Variants in MTMR2 observed in about 807,000 individuals in gnomAD.
MTMR2 encodes phosphatidylinositol-3,5-bisphosphate 3-phosphatase MTMR2.
Under a neutral mutation model 86.9 loss-of-function variants are expected in MTMR2, and 55 were observed. The ratio of observed to expected loss-of-function variants is 0.63; its 90% CI spans 0.51 to 0.79. The LOEUF (loss-of-function observed/expected upper bound fraction) is 0.79, where lower values mean the gene tolerates loss of function less well. Among genes scored for constraint, MTMR2 ranks in the 30% least tolerant of loss-of-function variants. The pLI is 0.00. For synonymous variants in MTMR2, 241 were observed against 266.8 expected (o/e 0.90, Z 0.94); for missense variants, 659 against 772.3 (o/e 0.85, Z 1.74).
At chr11:95,836,841 T>C (rs1863307429) in intron 13 of MTMR2, among the ~76,000 whole-genome samples, 1 of 151,860 alleles carries the variant, frequency 6.6e-6, no homozygotes, top group South Asian at 2.1e-4. Flanking sequence ...ACAAAAACAT[T>C]AGTGTTTGGC....
At chr11:95,917,915 A>G (rs1866770227) in intron 1 of MTMR2, among the ~76,000 whole-genome samples, 1 of 152,320 alleles carries the variant, frequency 6.6e-6, no homozygotes, top group Non-Finnish European at 1.5e-5. Context: ...TTTTTTAAAA[A>G]TGCTTGTTTC....
chr11:95,907,912 G>A, intron 1 of MTMR2: 1 of 428,408 alleles, frequency 2.3e-6, no homozygotes, highest in South Asian at 1.7e-5. Context: ...GGTAAAAGCT[G>A]GAAGTATTCC....
At chr11:95,861,890 G>GT in intron 5 of MTMR2, 102 bp downstream of exon 5, 1 of 892,788 alleles carries the variant, frequency 1.1e-6, no homozygotes, top group Non-Finnish European at 1.8e-6. Flanking sequence ...TTTCTAATTG[G>GT]AAATCCATTT....
chr11:95,895,446 G>C (rs1011137149), intron 1 of MTMR2, among the ~76,000 whole-genome samples: 2 of 152,108 alleles, frequency 1.3e-5, no homozygotes, highest in South Asian at 4.1e-4. Flanking sequence ...TAAATAAGTA[G>C]TTTATTCAAA....
chr11:95,835,408 G>T lies in MTMR2; in HGVS notation c.1814C>A (p.Ala605Glu). Reference protein sequence around the residue: ...NRYKELLAKRAELQKKVEELQ... With the variant: ...NRYKELLAKREELQKKVEELQ... ...TTCCTCTACTTTTTTCTGAAGCTCTGCTCGTTTAGCAAGAAGTTCTTTGTA... is the reference window on the plus strand; with the variant it reads ...TTCCTCTACTTTTTTCTGAAGCTCTTCTCGTTTAGCAAGAAGTTCTTTGTA... The change falls in exon 15 of 15, where the codon GCA becomes GAA. Residue 605 changes from alanine to glutamate, a missense_variant. By Grantham distance (107) the Ala-to-Glu change is moderately radical. This residue lies in a region of MTMR2 where 193 missense variants were observed against 191.6 expected (regional missense o/e 1.01). Coordinates refer to ENST00000346299, the MANE Select transcript of MTMR2 (RefSeq NM_016156.6). 6.2e-7 allele frequency: 1 copy of T among 1,613,068 alleles called. No individual in the cohort carries two copies. The highest frequency in any genetic ancestry group is 8.5e-7 in the Non-Finnish European group (1 of 1,179,280).
At chr11:95,921,237 G>A (rs1350798588) in intron 1 of MTMR2, among the ~76,000 whole-genome samples, 1 of 152,156 alleles carries the variant, frequency 6.6e-6, no homozygotes, top group Non-Finnish European at 1.5e-5. Context: ...ATGCATGTGT[G>A]AAAAACATTC....
At chr11:95,889,738 A>G (rs897426072) in intron 1 of MTMR2, among the ~76,000 whole-genome samples, 2 of 152,200 alleles carry the variant, frequency 1.3e-5, no homozygotes, top group African/African-American at 4.8e-5. Context: ...AAATTTAAAA[A>G]TCTGTGACAA....
intron 5 of MTMR2, among the ~76,000 whole-genome samples, chr11:95,861,245 A>T (rs1864408928): frequency 6.6e-6 from 1 of 151,244 alleles, no homozygotes; most frequent in Non-Finnish European, 1.5e-5. Flanking sequence ...TTCCACTACG[A>T]AGTAGTGGAA....
chr11:95,893,259 A>C (rs1286611766), intron 1 of MTMR2, among the ~76,000 whole-genome samples: 1 of 152,130 alleles, frequency 6.6e-6, no homozygotes, highest in Non-Finnish European at 1.5e-5. Flanking sequence ...TTCCCACTTC[A>C]GCAATGTGCA....
intron 2 of MTMR2, among the ~76,000 whole-genome samples, chr11:95,868,273 TAAAAAAAAAAAAA>T (rs555618890): frequency 4.7e-5 from 2 of 42,214 alleles, no homozygotes; most frequent in Non-Finnish European, 7.9e-5. Flanking sequence ...GACCCTGTGC[TAAAAAAAAAAAAA>T]AAAAAAAAAA....
chr11:95,891,458 A>AAAAAG (rs1865710761), intron 1 of MTMR2, among the ~76,000 whole-genome samples: 1 of 151,772 alleles, frequency 6.6e-6, no homozygotes, highest in Non-Finnish European at 1.5e-5. Context: ...CCAAAAAAAA[A>AAAAAG]AAAGAAAGAA....
chr11:95,857,529 T>C lies in MTMR2; in HGVS notation c.654+23A>G, dbSNP rs367913626. The C allele has an allele frequency of 6.7e-4, 1,027 of 1,539,328 alleles. 1 individual carries two copies. Among genetic ancestry groups the C allele is most frequent in the Non-Finnish European group, 6.7e-4 (748 of 1,115,040 alleles). ...ATGAAAAGAATACAAAATACTAAAA[T>C]TGAAAGAGAAGAAAGTACATACCTG... On this transcript the variant is annotated intron_variant, in intron 7 of 14. Coordinates refer to ENST00000346299, the MANE Select transcript of MTMR2 (RefSeq NM_016156.6).
chr11:95,875,494 C>T (rs971808671), intron 2 of MTMR2, among the ~76,000 whole-genome samples: 9 of 152,134 alleles, frequency 5.9e-5, no homozygotes, highest in East Asian at 1.9e-4. Context: ...GTTAGCCATT[C>T]GTCTAATTTT....
At chr11:95,912,296 A>G (rs1866539779) in intron 1 of MTMR2, among the ~76,000 whole-genome samples, 1 of 152,054 alleles carries the variant, frequency 6.6e-6, no homozygotes, top group African/African-American at 2.4e-5. Flanking sequence ...CATAAACTAG[A>G]AAACCACATA....
At chr11:95,909,704 C>T (rs192142546) in intron 1 of MTMR2, among the ~76,000 whole-genome samples, 34 of 152,112 alleles carry the variant, frequency 2.2e-4, no homozygotes, top group African/African-American at 7.7e-4. Flanking sequence ...GTACTAAATA[C>T]TGGGGATAGA....
chr11:95,842,846 G>C (rs1016964217), intron 11 of MTMR2, among the ~76,000 whole-genome samples: 3 of 151,848 alleles, frequency 2.0e-5, no homozygotes. Flanking sequence ...TTAAATTAAA[G>C]AAAAAAAGTC....
Position 95,847,718 on chromosome 11 carries a change from A to G in MTMR2, c.1175T>C (p.Ile392Thr), listed in dbSNP as rs1555060014. Reference protein sequence around the residue: ...NLESTHWLEHIKLILAGALRI... With the variant: ...NLESTHWLEHTKLILAGALRI... The stretch of plus-strand genomic sequence containing the variant: ...GATATAGTAACACACACCCACCTTA[A>G]TATGTTCTAGCCAATGAGTAGATTC... The change falls in exon 10 of 15, where the codon ATT becomes ACT. Residue 392 changes from isoleucine (I) to threonine (T), a missense_variant. Physicochemically the swap from Ile to Thr is moderately conservative, Grantham distance 89. Transcript: ENST00000346299. 6.2e-7 allele frequency: 1 copy of G among 1,611,598 alleles called. No individual in the cohort carries two copies. The highest frequency in any genetic ancestry group is 8.5e-7 in the Non-Finnish European group (1 of 1,177,774).
chr11:95,865,736 A>T lies in MTMR2; in HGVS notation c.187-60T>A, dbSNP rs1334037714. 15 of 1,337,262 alleles carry T rather than the reference A, an allele frequency of 1.1e-5. No individual in the cohort carries two copies. In the Admixed American group the frequency reaches 1.4e-4, roughly 12 times the overall value. 82.8% of individuals were successfully genotyped at this position (1,337,262 alleles called of 1,614,324 possible). A position where few individuals can be genotyped will look rare whatever the true frequency, so the allele number is the denominator to read the frequency against. On this transcript the variant is annotated intron_variant, in intron 2 of 14. Coordinates refer to ENST00000346299, the MANE Select transcript of MTMR2 (RefSeq NM_016156.6). ...TTATTCAAAGGCTACTTTTTCACTC[A>T]TATTTCAACTGAGTATACTTGCTCT...
At chr11:95,851,973 A>G (rs1462428781) in intron 7 of MTMR2, among the ~76,000 whole-genome samples, 2 of 152,240 alleles carry the variant, frequency 1.3e-5, no homozygotes, top group Non-Finnish European at 1.5e-5. Flanking sequence ...TAGGATTAAT[A>G]AAACAACTGA....
Sources: allele counts gnomAD v4.1 joint callset (sites outside exome capture counted in the v4.1 genomes callset), GRCh38; gene constraint gnomAD v4.1.1; regional missense constraint gnomAD v4.1.1; transcripts MANE v1.5; gene names NCBI Gene and HGNC (gene_info 2026-07-23, HGNC 2026-07-21).